The following STIM1 variants were observed in gnomAD, a reference collection of about 807,000 sequenced individuals.
STIM1 encodes stromal interaction molecule 1.
Under a neutral mutation model 74.7 loss-of-function variants are expected in STIM1, and 25 were observed. The ratio of observed to expected loss-of-function variants is 0.33; its 90% confidence interval spans 0.24 to 0.47. The LOEUF (loss-of-function observed/expected upper bound fraction) is 0.47, where lower values mean the gene tolerates loss of function less well. Ranked by LOEUF, STIM1 falls within the 20% of genes least tolerant of loss-of-function variation. The pLI is 1.00. For missense variants in STIM1, 728 were observed against 920.8 expected, an observed-to-expected ratio of 0.79 and a Z score of 2.71; for synonymous variants, 328 against 348.8, an observed-to-expected ratio of 0.94 and a Z score of 0.66.
chr11:3,974,176 A>C, intron 2 of STIM1: 1 of 539,696 alleles, frequency 1.9e-6, no homozygotes. Flanking sequence ...TCAAAGCTCA[A>C]CTCTCTGATG....
rs542342272 is a variant in STIM1 at position 3,992,167 on chromosome 11, C to T, written c.270+24485C>T. On this transcript the variant is annotated intron_variant, in intron 2 of 12. Transcript: ENST00000526596. ...TGGTGGCTCATGCCTGTAATCCCAG[C>T]GCTTTGGGTGGCGGGTGGATTGCCT... is the stretch of plus-strand genomic sequence containing the variant. Among the ~76,000 whole-genome samples, 16 of 141,596 alleles carry T rather than the reference C, an allele frequency of 1.1e-4. No individual in the cohort carries two copies. The East Asian group carries it at 2.3e-3, about 20-fold the overall frequency. 92.9% of individuals were successfully genotyped at this position (141,596 alleles called of 152,430 possible). A position where few individuals can be genotyped will look rare whatever the true frequency, so the allele number is the denominator to read the frequency against.
intron 5 of STIM1, among the ~76,000 whole-genome samples, chr11:4,066,193 T>C (rs2094364073): frequency 6.6e-6 from 1 of 152,210 alleles, no homozygotes; most frequent in African/African-American, 2.4e-5. Flanking sequence ...GGGTTAGCTC[T>C]GTTCACCTAG....
At chr11:4,046,473 T>C (rs945574978) in intron 3 of STIM1, among the ~76,000 whole-genome samples, 1 of 152,132 alleles carries the variant, frequency 6.6e-6, no homozygotes, top group Non-Finnish European at 1.5e-5. Context: ...GCAAATAGTC[T>C]AATCTTCCCC....
In STIM1 at chr11:3,872,554, C is replaced by T. The variant is rs1168392012; in HGVS notation, c.139+16145C>T. Among the ~76,000 whole-genome samples the T allele has an allele frequency of 3.6e-5, 5 of 140,460 alleles. No individual in the cohort carries two copies. In the East Asian group the frequency reaches 1.0e-3, roughly 29 times the overall value. 92.1% of individuals were successfully genotyped at this position (140,460 alleles called of 152,430 possible). ...TTTTTTTTTTTGAGATGGAGTCTCACTCTGTTGCCCAGGCTGGAGTGCAGT... is the reference window on the plus strand; with the variant it reads ...TTTTTTTTTTTGAGATGGAGTCTCATTCTGTTGCCCAGGCTGGAGTGCAGT... On this transcript the variant is annotated intron_variant, in intron 1 of 12. Transcript: ENST00000526596.
rs560567284 is a variant in STIM1, at chr11:4,048,152, A to G, written c.386-7374A>G. 2.6e-5 allele frequency among the ~76,000 whole-genome samples: 4 copies of G among 152,152 alleles called. No homozygotes were observed. The South Asian group carries it at 8.3e-4, about 32-fold the overall frequency. On this transcript the variant is annotated intron_variant, in intron 3 of 12. Transcript: ENST00000526596. ...GTGTCTTCAAAGAAAAAAGATATGG[A>G]TCTTATGAGAGGACAGTGATGAATC...
intron 12 of STIM1, among the ~76,000 whole-genome samples, chr11:4,087,205 G>C (rs1043093384): frequency 2.6e-5 from 4 of 152,154 alleles, no homozygotes; most frequent in African/African-American, 9.7e-5. Flanking sequence ...CTCTGTGCCA[G>C]GCTCTGCTGG....
chr11:3,949,739 G>T (rs1049991250), intron 1 of STIM1, among the ~76,000 whole-genome samples: 1 of 152,196 alleles, frequency 6.6e-6, no homozygotes, highest in African/African-American at 2.4e-5. Flanking sequence ...AATATGGAGA[G>T]ATCACTGGAA....
intron 1 of STIM1, among the ~76,000 whole-genome samples, chr11:3,859,599 G>A (rs1169316236): frequency 1.3e-5 from 2 of 152,222 alleles, no homozygotes; most frequent in East Asian, 3.8e-4. Flanking sequence ...TTGGAGGATA[G>A]GCATCTAGGC....
chr11:4,052,757 G>C (rs2094253801), intron 3 of STIM1, among the ~76,000 whole-genome samples: 1 of 152,150 alleles, frequency 6.6e-6, no homozygotes, highest in Non-Finnish European at 1.5e-5. Flanking sequence ...TTAAACTAAA[G>C]AGCTTCTGCT....
At chr11:4,053,852 C>G (rs902132269) in intron 3 of STIM1, among the ~76,000 whole-genome samples, 1 of 152,156 alleles carries the variant, frequency 6.6e-6, no homozygotes, top group Non-Finnish European at 1.5e-5. Context: ...CAAGCAATCT[C>G]CCGCCTTAGC....
chr11:3,954,174 C>T (rs780566374), intron 1 of STIM1, among the ~76,000 whole-genome samples: 1 of 152,122 alleles, frequency 6.6e-6, no homozygotes, highest in Non-Finnish European at 1.5e-5. Flanking sequence ...TTCTCCCATT[C>T]TCTTCTACCT....
Position 4,012,080 on chromosome 11 carries a change from G to A in STIM1, c.271-11793G>A, listed in dbSNP as rs540230003. On this transcript the variant is annotated intron_variant, in intron 2 of 12. Coordinates refer to ENST00000526596, the MANE Select transcript of STIM1 (RefSeq NM_001382567.1). ...AGGGCTCTGTTCTGTTCCATTGGTC[G>A]AGATACCTGTTTTGGTACCAGTACC... Among the ~76,000 whole-genome samples the A allele has an allele frequency of 1.8e-4, 28 of 152,110 alleles. 1 individual carries two copies. Among genetic ancestry groups the A allele is most frequent in the Admixed American group, 8.5e-4 (13 of 15,256 alleles).
chr11:3,868,501 G>T (rs1174775862), intron 1 of STIM1, among the ~76,000 whole-genome samples: 1 of 152,180 alleles, frequency 6.6e-6, no homozygotes, highest in Non-Finnish European at 1.5e-5. Context: ...TTGGTGTGGG[G>T]TGGGGTGGCG....
chr11:3,935,879 A>T (rs544127328), intron 1 of STIM1, among the ~76,000 whole-genome samples: 2 of 152,354 alleles, frequency 1.3e-5, no homozygotes, highest in African/African-American at 4.8e-5. Flanking sequence ...TAACTACATT[A>T]TACATAGGTA....
At position 3,856,092 on chromosome 11, in the gene STIM1, A is replaced by C. The variant is rs760909080; in HGVS notation, c.-179A>C. ...AGGAGCCAGCCCTCCTCCCGCACCC[A>C]AACTTGGAGCACTTGACCTTTGGCT... On this transcript the variant is annotated 5_prime_UTR_variant, in exon 1 of 13. Coordinates refer to ENST00000526596, the MANE Select transcript of STIM1 (RefSeq NM_001382567.1). 7 of 747,358 alleles carry C rather than the reference A, an allele frequency of 9.4e-6. No homozygotes were observed. In the African/African-American group the frequency reaches 1.0e-4, roughly 11 times the overall value. The allele number at this position is 747,358 out of a possible 1,614,324, so 46.3% of individuals were successfully genotyped here.
chr11:4,027,940 T>C (rs1042069482), intron 3 of STIM1, among the ~76,000 whole-genome samples: 1 of 152,236 alleles, frequency 6.6e-6, no homozygotes, highest in South Asian at 2.1e-4. Context: ...AGTGTCATTT[T>C]TGGAGAAGAA....
chr11:3,856,018 G>A lies in STIM1; in HGVS notation c.-253G>A, dbSNP rs201590397. On this transcript the variant is annotated 5_prime_UTR_variant, in exon 1 of 13. Coordinates refer to ENST00000526596, the MANE Select transcript of STIM1 (RefSeq NM_001382567.1). ...CACCCTGCCCGAAGTCTCCGGAAGC[G>A]GCACGAGCTCAGGCCGCCGCAGCCC... The A allele has an allele frequency of 5.5e-6, 3 of 541,202 alleles. No homozygotes were observed. The highest frequency in any genetic ancestry group is 1.9e-5 in the African/African-American group (1 of 52,648). 33.5% of individuals were successfully genotyped at this position (541,202 alleles called of 1,614,324 possible).
intron 1 of STIM1, among the ~76,000 whole-genome samples, chr11:3,859,403 G>A (rs1338286235): frequency 6.6e-6 from 1 of 152,268 alleles, no homozygotes; most frequent in South Asian, 2.1e-4. Context: ...TGGGGCTTGC[G>A]TTTCTGAAGC....
chr11:3,858,247 GTT>G (rs372423825), intron 1 of STIM1, among the ~76,000 whole-genome samples: 1 of 119,696 alleles, frequency 8.4e-6, no homozygotes, highest in Non-Finnish European at 1.9e-5. Flanking sequence ...TTTTTTTTTT[GTT>G]TTTTGTTTTT....
Sources: gnomAD v4.1 joint callset for allele counts (sites outside exome capture counted in the v4.1 genomes callset) on GRCh38, gnomAD v4.1.1 for gene constraint, MANE v1.5 for transcripts, NCBI Gene and HGNC (gene_info 2026-07-23, HGNC 2026-07-21) for gene names.